Variants in BACH2 observed in about 807,000 individuals in gnomAD.
BACH2 encodes the protein transcription regulator protein BACH2.
In BACH2, 5 loss-of-function variants were observed where a neutral mutation model predicts 61.8. The observed-to-expected ratio is 0.08, with a 90% CI of 0.04 to 0.17. The LOEUF (loss-of-function observed/expected upper bound fraction) is 0.17. Ranked by LOEUF, BACH2 falls within the 10% of genes least tolerant of loss-of-function variation. The probability of loss-of-function intolerance (pLI) is 1.00; values close to 1 mark genes in which losing one functional copy is unlikely to be tolerated. For synonymous variants in BACH2, 446 were observed against 440.1 expected (o/e 1.01, Z -0.17); for missense variants, 824 against 1,091.1 (o/e 0.76, Z 3.45).
At chr6:90,249,975 C>G (rs1382794191) in intron 3 of BACH2, among the ~76,000 whole-genome samples, 2 of 152,084 alleles carry the variant, frequency 1.3e-5, no homozygotes, top group East Asian at 3.9e-4. Flanking sequence ...TCCTTTCTCC[C>G]CACCCACAGA....
At chr6:89,971,084 T>C (rs1401457701) in intron 6 of BACH2, among the ~76,000 whole-genome samples, 1 of 152,232 alleles carries the variant, frequency 6.6e-6, no homozygotes, top group Non-Finnish European at 1.5e-5. Flanking sequence ...CATTACTTTA[T>C]GAACTGCCAA....
At chr6:90,207,957 C>T (rs1424670085) in intron 3 of BACH2, among the ~76,000 whole-genome samples, 2 of 152,150 alleles carry the variant, frequency 1.3e-5, no homozygotes, top group Non-Finnish European at 2.9e-5. Context: ...ATTCTATGAA[C>T]ATAATATTAC....
chr6:89,978,633 TAAAAAAAAA>T (rs753724278), intron 6 of BACH2, among the ~76,000 whole-genome samples: 1,629 of 86,092 alleles, frequency 0.019, 43 homozygotes, highest in African/African-American at 0.067. Context: ...GTGTTGGCTT[TAAAAAAAAA>T]AAAAAAAAAA....
At chr6:90,120,796 T>A (rs1783590442) in intron 4 of BACH2, among the ~76,000 whole-genome samples, 1 of 152,248 alleles carries the variant, frequency 6.6e-6, no homozygotes, top group Non-Finnish European at 1.5e-5. Flanking sequence ...GAATACTGAA[T>A]GTTCTCTCTC....
chr6:90,200,460 A>G (rs1768919553), intron 4 of BACH2, among the ~76,000 whole-genome samples: 1 of 152,128 alleles, frequency 6.6e-6, no homozygotes, highest in South Asian at 2.1e-4. Flanking sequence ...CCCCCAAACC[A>G]TTAGTAAATT....
chr6:90,112,373 AG>A (rs1783211723), intron 4 of BACH2, among the ~76,000 whole-genome samples: 1 of 152,216 alleles, frequency 6.6e-6, no homozygotes, highest in Non-Finnish European at 1.5e-5. Context: ...TCAACTACAA[AG>A]GGATCCCCAT....
chr6:89,967,899 C>T (rs1362578284), intron 6 of BACH2, among the ~76,000 whole-genome samples: 1 of 152,322 alleles, frequency 6.6e-6, no homozygotes, highest in East Asian at 1.9e-4. Context: ...ATGCTTCTGA[C>T]ATGGACTATG....
chr6:89,951,264 C>A lies in BACH2; in HGVS notation c.842G>T (p.Ser281Ile), dbSNP rs1170781680. Reference protein sequence around the residue: ...ARGQIKSEPPSEENEEESITL... With the variant: ...ARGQIKSEPPIEENEEESITL... ...GATGCTCTCTTCCTCATTCTCTTCACTGGGCGGCTCACTTTTAATCTGCCC... is the reference window on the plus strand; with the variant it reads ...GATGCTCTCTTCCTCATTCTCTTCAATGGGCGGCTCACTTTTAATCTGCCC... Residue 281 changes from serine to isoleucine, a missense_variant, in exon 7 of 9, where the codon AGT becomes ATT. Coordinates refer to ENST00000257749, the MANE Select transcript of BACH2 (RefSeq NM_021813.4). The surrounding 1 kb of genome is among the most constrained non-coding windows in gnomAD (Gnocchi z 6.4). 1 of 1,614,106 alleles carries A rather than the reference C, an allele frequency of 6.2e-7. No individual in the cohort carries two copies. The highest frequency in any genetic ancestry group is 1.3e-5 in the African/African-American group (1 of 74,922).
At chr6:89,938,009 G>T in intron 8 of BACH2, 135 bp downstream of exon 8, 1 of 794,000 alleles carries the variant, frequency 1.3e-6, no homozygotes, top group African/African-American at 1.7e-5. Context: ...TTTCTGTTGA[G>T]AAACTTCTTA....
chr6:90,112,372 A>G (rs1051467635), intron 4 of BACH2, among the ~76,000 whole-genome samples: 1 of 152,188 alleles, frequency 6.6e-6, no homozygotes, highest in Non-Finnish European at 1.5e-5. Context: ...GTCAACTACA[A>G]AGGGATCCCC....
intron 2 of BACH2, 132 bp downstream of exon 2, chr6:90,271,717 A>T (rs1306523549): frequency 6.6e-6 from 1 of 152,226 alleles, no homozygotes; most frequent in Non-Finnish European, 1.5e-5. Flanking sequence ...GAACGGACAT[A>T]ACTGAAAAAC....
At chr6:90,282,691 A>G (rs1190677945) in intron 1 of BACH2, among the ~76,000 whole-genome samples, 2 of 151,650 alleles carry the variant, frequency 1.3e-5, no homozygotes, top group East Asian at 3.9e-4. Flanking sequence ...GTTGAATGGT[A>G]TTTCTATCTT....
intron 4 of BACH2, among the ~76,000 whole-genome samples, chr6:90,123,281 C>T (rs1783707546): frequency 6.6e-6 from 1 of 152,172 alleles, no homozygotes; most frequent in Non-Finnish European, 1.5e-5. Context: ...CCTGGAGCCT[C>T]CCCAGAAGCT....
intron 4 of BACH2, among the ~76,000 whole-genome samples, chr6:90,103,023 ATATATATTTT>A (rs1230592549): frequency 7.1e-5 from 2 of 28,296 alleles, no homozygotes; most frequent in African/African-American, 4.3e-4. Flanking sequence ...ATATATATAT[ATATATATTTT>A]TTTTTTTTTT....
intron 5 of BACH2, among the ~76,000 whole-genome samples, chr6:90,061,103 T>C (rs556723256): frequency 6.6e-6 from 1 of 152,308 alleles, no homozygotes; most frequent in South Asian, 2.1e-4. Flanking sequence ...ATCTGATTGT[T>C]GCTTTTGAAG....
rs1354838444 is a variant in BACH2 at position 90,166,644 on chromosome 6, TGGAA to T, written c.-162+39921_-162+39924del. On this transcript the variant is annotated intron_variant, in intron 4 of 8. Coordinates refer to ENST00000257749, the MANE Select transcript of BACH2 (RefSeq NM_021813.4). The stretch of plus-strand genomic sequence containing the variant: ...GGCACTATTCACAATAGCAAAGATT[TGGAA>T]CCAACCCAAATGTCCAACAACGATA... 5.3e-5 allele frequency among the ~76,000 whole-genome samples: 8 copies of T among 152,312 alleles called. No individual in the cohort carries two copies. In the East Asian group the frequency reaches 1.3e-3, roughly 26 times the overall value.
intron 4 of BACH2, among the ~76,000 whole-genome samples, chr6:90,124,911 C>T (rs2127821148): frequency 6.6e-6 from 1 of 152,282 alleles, no homozygotes; most frequent in East Asian, 1.9e-4. Flanking sequence ...CTCTTGCCAA[C>T]ACTGGAATTT....
At chr6:90,104,079 G>A (rs1007248506) in intron 4 of BACH2, among the ~76,000 whole-genome samples, 5 of 152,136 alleles carry the variant, frequency 3.3e-5, no homozygotes, top group African/African-American at 9.7e-5. Flanking sequence ...AAATCCGCAG[G>A]TATCAAGGGT....
intron 4 of BACH2, among the ~76,000 whole-genome samples, chr6:90,096,873 C>A (rs7754658): frequency 6.6e-6 from 1 of 152,226 alleles, no homozygotes; most frequent in South Asian, 2.1e-4. Context: ...TCTACATTCC[C>A]ACCACCATCC....
Sources: gnomAD v4.1 joint callset for allele counts (sites outside exome capture counted in the v4.1 genomes callset) on GRCh38, gnomAD v4.1.1 for gene constraint, Gnocchi (gnomAD v3.1) non-coding constraint, MANE v1.5 for transcripts, NCBI Gene and HGNC (gene_info 2026-07-23, HGNC 2026-07-21) for gene names.